ACAP2: variants seen among roughly 807,000 people sequenced by gnomAD.
The protein encoded by ACAP2 is arf-GAP with coiled-coil, ANK repeat and PH domain-containing protein 2.
ACAP2 carries 39 observed loss-of-function variants against 115.8 expected under a neutral mutation model. The observed-to-expected ratio is 0.34, with a 90% CI of 0.26 to 0.44. The LOEUF is 0.44. ACAP2 is among the 20% of genes least tolerant of loss of function. ACAP2 has a pLI of 1.00. For missense variants in ACAP2, 662 were observed against 927.6 expected (o/e 0.71, Z 3.72); for synonymous variants, 289 against 315.8 (o/e 0.92, Z 0.90).
At position 195,342,644 on chromosome 3, in the gene ACAP2, T is replaced by TTCTAAGATC; in HGVS notation, c.346_354dup (p.Asp116_Arg118dup). Reference sequence around the variant, plus strand: ...AATTGCTTCTTGGCATCTTTGAATTTTCTAAGATCTCTAAGAAAAGAAAAA... The same window carrying TTCTAAGATC: ...AATTGCTTCTTGGCATCTTTGAATTTTCTAAGATCTCTAAGATCTCTAAGAAAAGAAAAA... On this transcript the variant is annotated inframe_insertion, in exon 6 of 23. Coordinates refer to ENST00000326793, the MANE Select transcript of ACAP2 (RefSeq NM_012287.6). The TTCTAAGATC allele has an allele frequency of 6.3e-7, 1 of 1,586,534 alleles. No individual in the cohort carries two copies. Among genetic ancestry groups the TTCTAAGATC allele is most frequent in the Non-Finnish European group, 8.5e-7 (1 of 1,172,866 alleles).
intron 1 of ACAP2, among the ~76,000 whole-genome samples, chr3:195,406,233 T>C (rs890224838): frequency 3.3e-5 from 5 of 152,158 alleles, no homozygotes; most frequent in Non-Finnish European, 7.3e-5. Context: ...TACTTCAAAA[T>C]TTATTTTCTA....
intron 4 of ACAP2, among the ~76,000 whole-genome samples, chr3:195,372,438 C>T (rs991070267): frequency 1.3e-5 from 2 of 152,180 alleles, no homozygotes; most frequent in Admixed American, 6.5e-5. Flanking sequence ...CTCACGCCTC[C>T]GACCTCAGCA....
intron 1 of ACAP2, among the ~76,000 whole-genome samples, chr3:195,399,839 T>C (rs1712120002): frequency 6.6e-6 from 1 of 152,022 alleles, no homozygotes; most frequent in Non-Finnish European, 1.5e-5. Flanking sequence ...CAGCTCATGA[T>C]TTAAAAAATA....
At chr3:195,284,590 GTAAA>G (rs1431147760) in intron 22 of ACAP2, among the ~76,000 whole-genome samples, 1 of 152,150 alleles carries the variant, frequency 6.6e-6, no homozygotes, top group Non-Finnish European at 1.5e-5. Context: ...ATAAGCAGTA[GTAAA>G]TACGGTCCTC....
At chr3:195,396,749 T>C (rs1169365722) in intron 1 of ACAP2, among the ~76,000 whole-genome samples, 4 of 126,218 alleles carry the variant, frequency 3.2e-5, no homozygotes, top group Non-Finnish European at 6.3e-5. Flanking sequence ...ATTGCATCAC[T>C]GCACTCCAGC....
chr3:195,419,007 A>G (rs1369975382), intron 1 of ACAP2, among the ~76,000 whole-genome samples: 1 of 152,080 alleles, frequency 6.6e-6, no homozygotes. Context: ...CTTTGCTTCA[A>G]TTTCCTTTTT....
intron 6 of ACAP2, among the ~76,000 whole-genome samples, chr3:195,341,321 GTTTTT>G (rs377628235): frequency 2.8e-5 from 3 of 107,046 alleles, no homozygotes; most frequent in Admixed American, 1.1e-4. Context: ...TATTGTGTGG[GTTTTT>G]TTTTTTTTTT....
chr3:195,345,734 A>G (rs1374177625), intron 4 of ACAP2, among the ~76,000 whole-genome samples: 1 of 152,198 alleles, frequency 6.6e-6, no homozygotes, highest in African/African-American at 2.4e-5. Flanking sequence ...ACCTTAGTTG[A>G]GGTAGAGGTT....
At chr3:195,344,183 A>G (rs916752768) in intron 5 of ACAP2, among the ~76,000 whole-genome samples, 2 of 152,194 alleles carry the variant, frequency 1.3e-5, no homozygotes, top group Non-Finnish European at 2.9e-5. Context: ...AAGCCACTGT[A>G]CTCCAGCCTG....
intron 4 of ACAP2, among the ~76,000 whole-genome samples, chr3:195,352,307 TACTC>T (rs1731665925): frequency 6.6e-6 from 1 of 152,256 alleles, no homozygotes; most frequent in African/African-American, 2.4e-5. Context: ...CATTCTATGA[TACTC>T]ACACAATGAA....
intron 18 of ACAP2, among the ~76,000 whole-genome samples, chr3:195,292,915 C>CA (rs1727359945): frequency 1.3e-5 from 1 of 76,144 alleles, no homozygotes; most frequent in Non-Finnish European, 2.4e-5. Context: ...GAGCGAGACT[C>CA]AGTCTCAAAA....
intron 22 of ACAP2, chr3:195,280,604 G>C (rs1726434241): frequency 6.6e-6 from 1 of 152,154 alleles, no homozygotes; most frequent in Non-Finnish European, 1.5e-5. Flanking sequence ...AAGGACATCT[G>C]TTAAATTAGA....
intron 1 of ACAP2, among the ~76,000 whole-genome samples, chr3:195,411,318 A>G (rs1186808454): frequency 6.6e-6 from 1 of 152,256 alleles, no homozygotes; most frequent in Non-Finnish European, 1.5e-5. Flanking sequence ...TACCGAAGAA[A>G]TATTTGTATA....
At chr3:195,378,068 GAGGGAGGA>G (rs1331250367) in intron 4 of ACAP2, among the ~76,000 whole-genome samples, 146 of 146,346 alleles carry the variant, frequency 1.0e-3, no homozygotes, top group East Asian at 8.0e-3. Context: ...GGGAGGGAGG[GAGGGAGGA>G]AGGGAGGAAG....
At chr3:195,328,406 T>C (rs1324901333) in intron 8 of ACAP2, among the ~76,000 whole-genome samples, 1 of 152,110 alleles carries the variant, frequency 6.6e-6, no homozygotes. Flanking sequence ...TACTGAATAG[T>C]AATAAAGATT....
intron 1 of ACAP2, among the ~76,000 whole-genome samples, chr3:195,423,800 A>C (rs1207372454): frequency 1.3e-5 from 2 of 152,106 alleles, no homozygotes; most frequent in Non-Finnish European, 2.9e-5. Flanking sequence ...ATTTTATATA[A>C]TTTTCATGTG....
intron 1 of ACAP2, among the ~76,000 whole-genome samples, chr3:195,428,093 T>C (rs1714818257): frequency 1.3e-5 from 2 of 151,862 alleles, no homozygotes; most frequent in Admixed American, 1.3e-4. Context: ...GGTATCAACA[T>C]GTCCAAAACA....
At chr3:195,359,444 C>T (rs902794848) in intron 4 of ACAP2, among the ~76,000 whole-genome samples, 3 of 152,112 alleles carry the variant, frequency 2.0e-5, no homozygotes, top group Non-Finnish European at 4.4e-5. Flanking sequence ...AAAGTGAGGA[C>T]ACAGTGTTAA....
rs555864198 is a variant in ACAP2 at position 195,409,208 on chromosome 3, A to C, written c.54-17061T>G. Among the ~76,000 whole-genome samples the C allele has an allele frequency of 1.1e-4, 16 of 152,354 alleles. No individual in the cohort carries two copies. The South Asian group carries it at 3.3e-3, about 32-fold the overall frequency. ...TGTAGAAAACCCTAAAGATTCCACA[A>C]AGGAACCTGTTAGAATAAATGAATT... is the stretch of plus-strand genomic sequence containing the variant. On this transcript the variant is annotated intron_variant, in intron 1 of 22. Coordinates refer to ENST00000326793, the MANE Select transcript of ACAP2 (RefSeq NM_012287.6).
Sources: allele counts gnomAD v4.1 joint callset (sites outside exome capture counted in the v4.1 genomes callset), GRCh38; gene constraint gnomAD v4.1.1; transcripts MANE v1.5; gene names NCBI Gene and HGNC (gene_info 2026-07-23, HGNC 2026-07-21).